CLYBL: variants seen among roughly 807,000 people sequenced by gnomAD.
CLYBL encodes citramalyl-CoA lyase, mitochondrial.
CLYBL carries 31 observed loss-of-function variants against 38.9 expected under a neutral mutation model. That is an observed-to-expected ratio of 0.80 (90% CI 0.60 to 1.08). The LOEUF (loss-of-function observed/expected upper bound fraction) is 1.08, where lower values mean the gene tolerates loss of function less well. CLYBL is among the 50% of genes least tolerant of loss of function. CLYBL has a pLI of 0.00. For missense variants in CLYBL, 434 were observed against 411.6 expected (o/e 1.05, Z -0.47); for synonymous variants, 171 against 158.6 (o/e 1.08, Z -0.59).
At chr13:99,890,968 G>A (rs547929450) in intron 7 of CLYBL, among the ~76,000 whole-genome samples, 7 of 152,222 alleles carry the variant, frequency 4.6e-5, no homozygotes, top group African/African-American at 1.7e-4. Context: ...ATATATTCTT[G>A]CTTTTAAAGT....
At chr13:99,608,371 C>T (rs1332206388) in intron 1 of CLYBL, among the ~76,000 whole-genome samples, 1 of 152,194 alleles carries the variant, frequency 6.6e-6, no homozygotes, top group Non-Finnish European at 1.5e-5. Flanking sequence ...CCGTGCCCGG[C>T]CTGGGTCTGA....
At chr13:99,773,427 G>A (rs2049442871) in intron 2 of CLYBL, among the ~76,000 whole-genome samples, 1 of 152,150 alleles carries the variant, frequency 6.6e-6, no homozygotes, top group South Asian at 2.1e-4. Flanking sequence ...CAAGCATTAT[G>A]GCCTAAGCTC....
chr13:99,840,860 T>C (rs1226572138), intron 2 of CLYBL, among the ~76,000 whole-genome samples: 1 of 151,894 alleles, frequency 6.6e-6, no homozygotes, highest in African/African-American at 2.4e-5. Flanking sequence ...AAGGTAGTGT[T>C]TGTTGCCCAA....
At chr13:99,737,827 T>C (rs1432484152) in intron 1 of CLYBL, among the ~76,000 whole-genome samples, 2 of 152,206 alleles carry the variant, frequency 1.3e-5, no homozygotes, top group East Asian at 3.8e-4. Flanking sequence ...TGCACCACAG[T>C]GAAGTCCTCC....
At position 99,667,433 on chromosome 13, in the gene CLYBL, C is replaced by CT. The variant is rs369360327; in HGVS notation, c.62+60699dup. On this transcript the variant is annotated intron_variant, in intron 1 of 8. Coordinates refer to ENST00000339105, the MANE Select transcript of CLYBL (RefSeq NM_206808.5). ...GTATAGTCCTACTTAAAGAATCTTG[C>CT]TTTTTTTTTTTTTTTTTTTTTTTAG... 1.7e-3 allele frequency among the ~76,000 whole-genome samples: 211 copies of CT among 127,770 alleles called. 1 individual carries two copies. Among genetic ancestry groups the CT allele is most frequent in the East Asian group, 0.012 (50 of 4,330 alleles). 83.8% of individuals were successfully genotyped at this position (127,770 alleles called of 152,430 possible).
intron 2 of CLYBL, among the ~76,000 whole-genome samples, chr13:99,821,336 C>T (rs2050584232): frequency 6.6e-6 from 1 of 152,086 alleles, no homozygotes; most frequent in Non-Finnish European, 1.5e-5. Context: ...CTTTGGATGC[C>T]CAGCACCTAA....
downstream of CLYBL, chr13:99,893,125 C>T (rs2281755): frequency 0.17 from 25,460 of 152,426 alleles, 2,122 homozygotes; most frequent in Middle Eastern, 0.22. Context: ...ACACTGGCCA[C>T]GCTGGGCTGC....
chr13:99,617,599 C>T (rs558996831), intron 1 of CLYBL, among the ~76,000 whole-genome samples: 3 of 151,828 alleles, frequency 2.0e-5, no homozygotes, highest in South Asian at 4.2e-4. Context: ...GGGAGATGCA[C>T]GCAGTCTCTG....
At chr13:99,822,068 G>A (rs1383541571) in intron 2 of CLYBL, among the ~76,000 whole-genome samples, 1 of 152,166 alleles carries the variant, frequency 6.6e-6, no homozygotes, top group Non-Finnish European at 1.5e-5. Flanking sequence ...AGACAAGTCA[G>A]TAGGGCCATC....
chr13:99,664,703 T>G (rs1164590298), intron 1 of CLYBL, among the ~76,000 whole-genome samples: 1 of 152,150 alleles, frequency 6.6e-6, no homozygotes, highest in African/African-American at 2.4e-5. Flanking sequence ...TTTTAAGAAA[T>G]AGATTTGGTA....
rs375142206 is a variant in CLYBL at position 99,641,960 on chromosome 13, T to C, written c.62+35203T>C. Among the ~76,000 whole-genome samples, 32 of 152,344 alleles carry C rather than the reference T, an allele frequency of 2.1e-4. No homozygotes were observed. In the South Asian group the frequency reaches 6.0e-3, roughly 29 times the overall value. On this transcript the variant is annotated intron_variant, in intron 1 of 8. Coordinates refer to ENST00000339105, the MANE Select transcript of CLYBL (RefSeq NM_206808.5). ...CATATGAAATTAAATTTGGAAATAA[T>C]GTTCTGCAGTCTCTTGAATGGGATT... is the stretch of plus-strand genomic sequence containing the variant.
intron 1 of CLYBL, among the ~76,000 whole-genome samples, chr13:99,733,687 T>C (rs1010562644): frequency 1.3e-5 from 2 of 152,234 alleles, no homozygotes; most frequent in Non-Finnish European, 1.5e-5. Context: ...AAAATAGCCA[T>C]GCGCACGTCT....
intron 1 of CLYBL, among the ~76,000 whole-genome samples, chr13:99,713,379 G>A (rs1386165432): frequency 1.9e-4 from 24 of 127,010 alleles, no homozygotes; most frequent in Non-Finnish European, 3.3e-4. Context: ...TTGGTCTGTC[G>A]CCCAGGCTGG....
intron 2 of CLYBL, among the ~76,000 whole-genome samples, chr13:99,845,875 T>G (rs2051192506): frequency 6.6e-6 from 1 of 152,122 alleles, no homozygotes; most frequent in African/African-American, 2.4e-5. Flanking sequence ...TTCCACATTA[T>G]ATTTTTCTTT....
At position 99,684,559 on chromosome 13, in the gene CLYBL, T is replaced by A. The variant is rs116437617; in HGVS notation, c.62+77802T>A. ...AAGGCAGGTTCTACTAAGACAGGGT[T>A]CTTAGGCTACTACCACTACCTCACC... is the stretch of plus-strand genomic sequence containing the variant. On this transcript the variant is annotated intron_variant, in intron 1 of 8. Coordinates refer to ENST00000339105, the MANE Select transcript of CLYBL (RefSeq NM_206808.5). 4.5e-3 allele frequency among the ~76,000 whole-genome samples: 679 copies of A among 152,290 alleles called. 3 individuals are homozygous for A. The highest frequency in any genetic ancestry group is 0.015 in the African/African-American group (642 of 41,560).
At chr13:99,769,747 A>G (rs2049342862) in intron 1 of CLYBL, among the ~76,000 whole-genome samples, 1 of 152,188 alleles carries the variant, frequency 6.6e-6, no homozygotes, top group Non-Finnish European at 1.5e-5. Flanking sequence ...CTCACATGAT[A>G]CAGTGCTTAT....
chr13:99,836,080 A>G (rs1235219494), intron 2 of CLYBL, among the ~76,000 whole-genome samples: 2 of 152,156 alleles, frequency 1.3e-5, no homozygotes, highest in Non-Finnish European at 2.9e-5. Context: ...AGTATGACCA[A>G]GTCCTCAGGG....
intron 7 of CLYBL, among the ~76,000 whole-genome samples, chr13:99,873,689 G>T (rs1426247353): frequency 6.9e-6 from 1 of 145,332 alleles, no homozygotes; most frequent in Admixed American, 6.8e-5. Flanking sequence ...AAACATAAAG[G>T]TATAGCTGAA....
chr13:99,780,110 T>A lies in CLYBL; in HGVS notation c.249+7100T>A, dbSNP rs138961703. ...TGAAATCTATTCTCCAATAGAAAAT[T>A]TGCCAATGTCTTTAGGTATATACAC... On this transcript the variant is annotated intron_variant, in intron 2 of 8. Coordinates refer to ENST00000339105, the MANE Select transcript of CLYBL (RefSeq NM_206808.5). Among the ~76,000 whole-genome samples, 127 of 152,284 alleles carry A rather than the reference T, an allele frequency of 8.3e-4. 1 individual carries two copies. The highest frequency in any genetic ancestry group is 2.9e-3 in the African/African-American group (120 of 41,570).
Sources: allele counts gnomAD v4.1 joint callset (sites outside exome capture counted in the v4.1 genomes callset), GRCh38; gene constraint gnomAD v4.1.1; transcripts MANE v1.5; gene names NCBI Gene and HGNC (gene_info 2026-07-23, HGNC 2026-07-21).